The following SRGAP2C variants were observed in gnomAD, a reference collection of about 807,000 sequenced individuals.
SRGAP2C encodes the protein SLIT-ROBO Rho GTPase-activating protein 2C.
SRGAP2C carries 15 observed loss-of-function variants against 25.1 expected under a neutral mutation model. That is an observed-to-expected ratio of 0.60 (90% confidence interval 0.40 to 0.92). The LOEUF (loss-of-function observed/expected upper bound fraction) is 0.92. Ranked by LOEUF, SRGAP2C falls within the 40% of genes least tolerant of loss-of-function variation. The probability of loss-of-function intolerance (pLI) is 0.00; values close to 1 mark genes in which losing one functional copy is unlikely to be tolerated. For synonymous variants in SRGAP2C, 44 were observed against 96.6 expected, an observed-to-expected ratio of 0.46 and a Z score of 3.19; for missense variants, 144 against 264.4, an observed-to-expected ratio of 0.54 and a Z score of 3.16.
At chr1:121,289,273 C>A (rs1275951828) in intron 3 of SRGAP2C, among the ~76,000 whole-genome samples, 1 of 147,150 alleles carries the variant, frequency 6.8e-6, no homozygotes, top group African/African-American at 2.5e-5. Context: ...TAAGGCCCAG[C>A]GAGAAATCGA....
At chr1:121,377,187 T>C (rs1284210403) in intron 7 of SRGAP2C, among the ~76,000 whole-genome samples, 1 of 137,216 alleles carries the variant, frequency 7.3e-6, no homozygotes, top group Non-Finnish European at 1.6e-5. Flanking sequence ...GAGGCTGCCT[T>C]AGTACTTGGC....
intron 7 of SRGAP2C, among the ~76,000 whole-genome samples, chr1:121,380,789 TAA>T (rs1286094960): frequency 6.6e-6 from 1 of 151,438 alleles, no homozygotes; most frequent in Non-Finnish European, 1.5e-5. Context: ...GTGCCATAAT[TAA>T]AGTCACAGTT....
At position 121,184,990 on chromosome 1, in the gene SRGAP2C, T is replaced by A. The variant is rs587697697; in HGVS notation, c.-677T>A. 4.5e-5 allele frequency: 23 copies of A among 511,754 alleles called. No homozygotes were observed. The highest frequency in any genetic ancestry group is 3.1e-4 in the East Asian group (10 of 32,512). The allele number at this position is 511,754 out of a possible 1,614,324, so 31.7% of individuals were successfully genotyped here. A position where few individuals can be genotyped will look rare whatever the true frequency, so the allele number is the denominator to read the frequency against. On this transcript the variant is annotated 5_prime_UTR_variant, in exon 1 of 10. Coordinates refer to ENST00000367123, the MANE Select transcript of SRGAP2C (RefSeq NM_001329984.2). ...ACTTCCCGGCGGGGTCCTGCGGAGT[T>A]GGCGGAGGCGGCGGAGGCTCCTCCA... is the stretch of plus-strand genomic sequence containing the variant.
Position 121,282,977 on chromosome 1 carries a change from AG to A in SRGAP2C, c.68-1821del, listed in dbSNP as rs1657284668. Among the ~76,000 whole-genome samples, 5 of 147,582 alleles carry A rather than the reference AG, an allele frequency of 3.4e-5. No individual in the cohort carries two copies. In the Admixed American group the frequency reaches 3.4e-4, roughly 10 times the overall value. On this transcript the variant is annotated intron_variant, in intron 2 of 9. Transcript: ENST00000367123. ...TATCAGCTTTTCACTAATATATTGAAGGGGGACAGATGCCTACAGGAATAGT... is the reference window on the plus strand; with the variant it reads ...TATCAGCTTTTCACTAATATATTGAAGGGGACAGATGCCTACAGGAATAGT...
intron 2 of SRGAP2C, among the ~76,000 whole-genome samples, chr1:121,268,494 G>T: frequency 6.6e-6 from 1 of 150,772 alleles, no homozygotes; most frequent in East Asian, 2.0e-4. Context: ...CTGCAGGGAA[G>T]CAAGGGAGGA....
chr1:121,209,838 G>A (rs1655204899), intron 2 of SRGAP2C, among the ~76,000 whole-genome samples: 1 of 79,276 alleles, frequency 1.3e-5, no homozygotes. Flanking sequence ...CATGAGAACT[G>A]AAACACGATA....
At chr1:121,303,740 A>C (rs1490349494) in intron 3 of SRGAP2C, among the ~76,000 whole-genome samples, 1 of 151,486 alleles carries the variant, frequency 6.6e-6, no homozygotes, top group Admixed American at 6.6e-5. Context: ...ATATATATTA[A>C]AGCCTATGAG....
At chr1:121,347,048 G>A (rs1254798419) in intron 4 of SRGAP2C, among the ~76,000 whole-genome samples, 1 of 150,022 alleles carries the variant, frequency 6.7e-6, no homozygotes, top group African/African-American at 2.5e-5. Flanking sequence ...AGCTACCACA[G>A]CATAGGAAAT....
At chr1:121,191,753 C>A (rs1364089732) in intron 2 of SRGAP2C, among the ~76,000 whole-genome samples, 21 of 151,530 alleles carry the variant, frequency 1.4e-4, no homozygotes, top group Non-Finnish European at 3.1e-4. Context: ...TTTACCCTCT[C>A]TATACCTTGA....
chr1:121,271,423 G>A (rs1269028903), intron 2 of SRGAP2C, among the ~76,000 whole-genome samples: 44 of 151,236 alleles, frequency 2.9e-4, no homozygotes, highest in African/African-American at 9.2e-4. Context: ...TAGTGCTCAC[G>A]TGAACTGTGG....
chr1:121,204,297 C>T (rs1437492726), intron 2 of SRGAP2C, among the ~76,000 whole-genome samples: 14 of 151,714 alleles, frequency 9.2e-5, no homozygotes, highest in Non-Finnish European at 1.9e-4. Context: ...GTCTCAATTT[C>T]CTTATCAAGA....
intron 3 of SRGAP2C, among the ~76,000 whole-genome samples, chr1:121,285,932 G>A (rs1476310147): frequency 2.6e-5 from 4 of 151,356 alleles, no homozygotes; most frequent in Non-Finnish European, 5.9e-5. Flanking sequence ...GGCCACATTG[G>A]AAGAAGAAGA....
Position 121,303,532 on chromosome 1 carries a change from G to A in SRGAP2C, c.260+18537G>A, listed in dbSNP as rs1262783739. 5.9e-5 allele frequency among the ~76,000 whole-genome samples: 9 copies of A among 151,398 alleles called. No individual in the cohort carries two copies. In the East Asian group the frequency reaches 1.2e-3, roughly 20 times the overall value. On this transcript the variant is annotated intron_variant, in intron 3 of 9. Coordinates refer to ENST00000367123, the MANE Select transcript of SRGAP2C (RefSeq NM_001329984.2). ...CTGTGGAGTTGACCATTTTTTCAGA[G>A]AGCCTCGGTTGCTTTTAGTGGGAAA...
At chr1:121,350,684 T>C (rs1553345493) in intron 4 of SRGAP2C, among the ~76,000 whole-genome samples, 1 of 152,142 alleles carries the variant, frequency 6.6e-6, no homozygotes, top group East Asian at 1.9e-4. Context: ...GATCTTGGAT[T>C]AGGCAATGAT....
intron 4 of SRGAP2C, among the ~76,000 whole-genome samples, chr1:121,363,680 G>T (rs1659254125): frequency 6.6e-6 from 1 of 151,614 alleles, no homozygotes; most frequent in East Asian, 1.9e-4. Flanking sequence ...CAAAAATTTA[G>T]AAGTGAAGTA....
In SRGAP2C at chr1:121,266,432, A is replaced by T. The variant is rs148563796; in HGVS notation, c.68-18371A>T. Among the ~76,000 whole-genome samples, 617 of 152,018 alleles carry T rather than the reference A, an allele frequency of 4.1e-3. 10 individuals are homozygous for T. The highest frequency in any genetic ancestry group is 0.014 in the African/African-American group (571 of 41,526). The stretch of plus-strand genomic sequence containing the variant: ...CCTAGATAATGATGTTTATTAGCTC[A>T]TCACCCCTAATCATTGTGCATACTC... On this transcript the variant is annotated intron_variant, in intron 2 of 9. Coordinates refer to ENST00000367123, the MANE Select transcript of SRGAP2C (RefSeq NM_001329984.2).
intron 4 of SRGAP2C, among the ~76,000 whole-genome samples, chr1:121,335,458 A>G (rs1437588984): frequency 4.1e-5 from 5 of 121,840 alleles, no homozygotes; most frequent in Non-Finnish European, 8.3e-5. Flanking sequence ...TTTTTATTTC[A>G]GATTTTTTTT....
At chr1:121,292,141 A>C (rs1657505259) in intron 3 of SRGAP2C, among the ~76,000 whole-genome samples, 1 of 151,922 alleles carries the variant, frequency 6.6e-6, no homozygotes, top group Non-Finnish European at 1.5e-5. Context: ...TCCGCCATTA[A>C]ACTCATGGCC....
At chr1:121,267,248 C>T (rs1553334474) in intron 2 of SRGAP2C, among the ~76,000 whole-genome samples, 3 of 150,952 alleles carry the variant, frequency 2.0e-5, no homozygotes, top group African/African-American at 7.4e-5. Context: ...GGCTGGAGTG[C>T]AGCGGTGTGA....
Sources: gnomAD v4.1 joint callset for allele counts (sites outside exome capture counted in the v4.1 genomes callset) on GRCh38, gnomAD v4.1.1 for gene constraint, MANE v1.5 for transcripts, NCBI Gene and HGNC (gene_info 2026-07-23, HGNC 2026-07-21) for gene names.